KCNIP4: variants seen among roughly 807,000 people sequenced by gnomAD.
KCNIP4 encodes the protein potassium voltage-gated channel interacting protein 4, also known as Kv channel-interacting protein 4.
In KCNIP4, 12 loss-of-function variants were observed where a neutral mutation model predicts 34.0. That is an observed-to-expected ratio of 0.35 (90% CI 0.23 to 0.57). The LOEUF (loss-of-function observed/expected upper bound fraction) is 0.57. Among genes scored for constraint, KCNIP4 ranks in the 20% least tolerant of loss-of-function variants. The pLI is 0.83. For missense variants in KCNIP4, 238 were observed against 311.7 expected (o/e 0.76, Z 1.78); for synonymous variants, 124 against 102.2 (o/e 1.21, Z -1.29).
intron 1 of KCNIP4, among the ~76,000 whole-genome samples, chr4:21,055,571 T>C (rs1743331047): frequency 6.6e-6 from 1 of 152,036 alleles, no homozygotes; most frequent in Admixed American, 6.6e-5. Flanking sequence ...ATACAGACAA[T>C]GAAATATTAT....
chr4:21,815,402 T>G (rs1342379166), intron 1 of KCNIP4, among the ~76,000 whole-genome samples: 1 of 152,156 alleles, frequency 6.6e-6, no homozygotes, highest in Non-Finnish European at 1.5e-5. Context: ...CCATTGTTAG[T>G]TAATATCAAT....
chr4:21,304,290 T>C (rs149093376), intron 1 of KCNIP4, among the ~76,000 whole-genome samples: 4 of 152,256 alleles, frequency 2.6e-5, no homozygotes, highest in Admixed American at 6.5e-5. Context: ...TTATCACTCT[T>C]GCACAGAGAG....
chr4:21,836,170 CTTAAGT>C (rs1278312441), intron 1 of KCNIP4, among the ~76,000 whole-genome samples: 8 of 152,060 alleles, frequency 5.3e-5, no homozygotes, highest in African/African-American at 1.9e-4. Flanking sequence ...CACTTAGGTT[CTTAAGT>C]TTAAGTGGTA....
At chr4:21,579,018 C>A (rs1476629001) in intron 1 of KCNIP4, among the ~76,000 whole-genome samples, 2 of 152,038 alleles carry the variant, frequency 1.3e-5, no homozygotes, top group Non-Finnish European at 2.9e-5. Flanking sequence ...AAATTTTTTT[C>A]GTGGTTTGTT....
intron 1 of KCNIP4, among the ~76,000 whole-genome samples, chr4:20,934,886 G>A: frequency 6.6e-6 from 1 of 152,152 alleles, no homozygotes; most frequent in East Asian, 1.9e-4. Flanking sequence ...AAATCAAGGT[G>A]TCAGCAGGGA....
At chr4:21,124,368 G>A (rs946340892) in intron 1 of KCNIP4, among the ~76,000 whole-genome samples, 6 of 152,184 alleles carry the variant, frequency 3.9e-5, no homozygotes, top group Non-Finnish European at 7.3e-5. Flanking sequence ...TGATGGTATA[G>A]TGGGAAAAGT....
At chr4:21,560,162 C>A (rs1739397574) in intron 1 of KCNIP4, among the ~76,000 whole-genome samples, 1 of 152,022 alleles carries the variant, frequency 6.6e-6, no homozygotes, top group African/African-American at 2.4e-5. Flanking sequence ...TCAAATGATA[C>A]TTTACAAGCG....
chr4:21,246,059 T>A (rs1760178876), intron 1 of KCNIP4, among the ~76,000 whole-genome samples: 1 of 152,124 alleles, frequency 6.6e-6, no homozygotes. Flanking sequence ...GAGCTGTACC[T>A]CTGTAGAACA....
At chr4:21,652,522 T>C (rs1358392092) in intron 1 of KCNIP4, among the ~76,000 whole-genome samples, 1 of 152,074 alleles carries the variant, frequency 6.6e-6, no homozygotes, top group Non-Finnish European at 1.5e-5. Context: ...CCTGAGACAT[T>C]GGGGCCTGAA....
chr4:21,530,433 TTTTC>T (rs1390403192), intron 1 of KCNIP4, among the ~76,000 whole-genome samples: 4 of 152,168 alleles, frequency 2.6e-5, no homozygotes, highest in Admixed American at 1.3e-4. Context: ...AAATATTTGC[TTTTC>T]TTTCTATTTT....
chr4:21,066,401 A>G (rs1405049902), intron 1 of KCNIP4, among the ~76,000 whole-genome samples: 1 of 152,188 alleles, frequency 6.6e-6, no homozygotes, highest in Non-Finnish European at 1.5e-5. Flanking sequence ...CTTCTTAAGA[A>G]TCAAAAATCA....
chr4:21,187,957 A>G (rs541252743), intron 1 of KCNIP4, among the ~76,000 whole-genome samples: 2 of 152,332 alleles, frequency 1.3e-5, no homozygotes, highest in South Asian at 2.1e-4. Flanking sequence ...CTTCAGTTTT[A>G]TCATCTGTCA....
At chr4:20,944,891 C>T (rs1300975269) in intron 1 of KCNIP4, among the ~76,000 whole-genome samples, 4 of 152,130 alleles carry the variant, frequency 2.6e-5, no homozygotes, top group African/African-American at 7.2e-5. Context: ...TATTGCCTCT[C>T]TTAGGTACAG....
At chr4:21,095,931 C>G (rs1466765870) in intron 1 of KCNIP4, among the ~76,000 whole-genome samples, 1 of 152,104 alleles carries the variant, frequency 6.6e-6, no homozygotes. Flanking sequence ...AGGAAACCAG[C>G]AGAAACGAAA....
chr4:21,072,861 T>C (rs1745100999), intron 1 of KCNIP4, among the ~76,000 whole-genome samples: 1 of 152,214 alleles, frequency 6.6e-6, no homozygotes, highest in Non-Finnish European at 1.5e-5. Context: ...GTTTTCTCCA[T>C]ATGGCTAGCC....
intron 1 of KCNIP4, among the ~76,000 whole-genome samples, chr4:20,937,201 C>T (rs1240292702): frequency 7.1e-6 from 1 of 140,318 alleles, no homozygotes; most frequent in Admixed American, 7.5e-5. Context: ...AGGGCATGAG[C>T]AAAAGGTGCC....
At chr4:21,596,204 A>G (rs1266691878) in intron 1 of KCNIP4, among the ~76,000 whole-genome samples, 1 of 152,166 alleles carries the variant, frequency 6.6e-6, no homozygotes, top group Non-Finnish European at 1.5e-5. Context: ...GCTTATAATT[A>G]TACTAATTCA....
intron 1 of KCNIP4, among the ~76,000 whole-genome samples, chr4:21,905,958 G>T (rs1048314018): frequency 1.3e-5 from 2 of 152,114 alleles, no homozygotes; most frequent in African/African-American, 4.8e-5. Context: ...CGTAACACTT[G>T]TTTGCATAGA....
chr4:21,103,367 TAA>T (rs1257406305), intron 1 of KCNIP4, among the ~76,000 whole-genome samples: 1 of 146,878 alleles, frequency 6.8e-6, no homozygotes, highest in Non-Finnish European at 1.5e-5. Flanking sequence ...ATATAATATA[TAA>T]GATATATATA....
Sources: gnomAD v4.1 joint callset for allele counts (sites outside exome capture counted in the v4.1 genomes callset) on GRCh38, gnomAD v4.1.1 for gene constraint, MANE v1.5 for transcripts, NCBI Gene and HGNC (gene_info 2026-07-23, HGNC 2026-07-21) for gene names.